FREM2: variants seen among roughly 807,000 people sequenced by gnomAD.
FREM2 encodes the protein FRAS1 related extracellular matrix 2.
In FREM2, 119 loss-of-function variants were observed where a neutral mutation model predicts 219.9. That is an observed-to-expected ratio of 0.54 (90% confidence interval 0.47 to 0.63). The LOEUF (loss-of-function observed/expected upper bound fraction) is 0.63. Among genes scored for constraint, FREM2 ranks in the 30% least tolerant of loss-of-function variants. The probability of loss-of-function intolerance (pLI) is 0.00; values close to 1 mark genes in which losing one functional copy is unlikely to be tolerated. For missense variants in FREM2, 4,030 were observed against 3,993.6 expected, an observed-to-expected ratio of 1.01 and a Z score of -0.25; for synonymous variants, 1,562 against 1,522.8, an observed-to-expected ratio of 1.03 and a Z score of -0.60.
rs890784925 is a variant in FREM2 at position 38,886,290 on chromosome 13, T to C, written c.*5503T>C. ...AAAAAGTAGTCAAGTCAGTCTTCCA[T>C]TGTGACTTCAGGAATTCAAATGCAA... On this transcript the variant is annotated 3_prime_UTR_variant, in exon 24 of 24. Coordinates refer to ENST00000280481, the MANE Select transcript of FREM2 (RefSeq NM_207361.6). 3.3e-5 allele frequency: 5 copies of C among 152,126 alleles called. No individual in the cohort carries two copies. Among genetic ancestry groups the C allele is most frequent in the African/African-American group, 7.2e-5 (3 of 41,440 alleles). The allele number at this position is 152,126 out of a possible 1,614,324, so 9.4% of individuals were successfully genotyped here.
At chr13:38,732,438 G>C (rs1593372288) in intron 2 of FREM2, among the ~76,000 whole-genome samples, 1 of 152,078 alleles carries the variant, frequency 6.6e-6, no homozygotes, top group Admixed American at 6.6e-5. Context: ...AACTACTTTA[G>C]TTATGACAGC....
chr13:38,880,823 C>T lies in FREM2; in HGVS notation c.*36C>T, dbSNP rs927600780. ...TAGAATTCAACCTTTTCCGTAAGTG[C>T]CTCGGAAAAGATCACAATGGAACCT... is the stretch of plus-strand genomic sequence containing the variant. On this transcript the variant is annotated 3_prime_UTR_variant, in exon 24 of 24. Transcript: ENST00000280481. 21 of 1,610,920 alleles carry T rather than the reference C, an allele frequency of 1.3e-5. No individual in the cohort carries two copies. Among genetic ancestry groups the T allele is most frequent in the Non-Finnish European group, 1.7e-5 (20 of 1,177,658 alleles).
intron 12 of FREM2, among the ~76,000 whole-genome samples, 157 bp downstream of exon 12, chr13:38,856,413 T>G (rs1236169719): frequency 6.6e-6 from 1 of 152,244 alleles, no homozygotes; most frequent in Non-Finnish European, 1.5e-5. Flanking sequence ...AAATGTGTTT[T>G]GTTCTGATTA....
At chr13:38,865,779 A>G (rs1426056736) in intron 16 of FREM2, among the ~76,000 whole-genome samples, 1 of 152,242 alleles carries the variant, frequency 6.6e-6, no homozygotes, top group Admixed American at 6.5e-5. Context: ...GAGAAGCAGT[A>G]TAAGATGGTG....
chr13:38,878,779 C>T, intron 22 of FREM2, 52 bp from the exon 23 acceptor site: 2 of 1,564,074 alleles, frequency 1.3e-6, no homozygotes, highest in Non-Finnish European at 1.8e-6. Context: ...GCTGTCCTGG[C>T]AAAAGCCGTG....
In FREM2 at chr13:38,742,167, G is replaced by A. The variant is rs916201469; in HGVS notation, c.5264-22137G>A. 5.9e-5 allele frequency among the ~76,000 whole-genome samples: 9 copies of A among 152,276 alleles called. No homozygotes were observed. The East Asian group carries it at 1.7e-3, about 29-fold the overall frequency. On this transcript the variant is annotated intron_variant, in intron 2 of 23. Transcript: ENST00000280481. ...ACAGGTATTGAGCCTGTCTTTACAA[G>A]TCCTATTTATCAAAAATAGTTTAAA...
chr13:38,776,883 G>A (rs1043301796), intron 4 of FREM2, among the ~76,000 whole-genome samples: 18 of 151,710 alleles, frequency 1.2e-4, no homozygotes, highest in African/African-American at 4.4e-4. Context: ...TTGAGAGCAC[G>A]ACCCTGCAGT....
At chr13:38,729,235 A>G (rs1001910461) in intron 2 of FREM2, among the ~76,000 whole-genome samples, 1 of 152,136 alleles carries the variant, frequency 6.6e-6, no homozygotes, top group Non-Finnish European at 1.5e-5. Flanking sequence ...CTTGTCTTTC[A>G]AAGAACACAG....
In FREM2 at chr13:38,880,639, G is replaced by T. The variant is rs748270623; in HGVS notation, c.9362G>T (p.Gly3121Val). 1 of 1,614,104 alleles carries T rather than the reference G, an allele frequency of 6.2e-7. No individual in the cohort carries two copies. The highest frequency in any genetic ancestry group is 1.7e-5 in the Admixed American group (1 of 60,028). ...LVTVVGGTTV[G>V]LLTICLTVIA... is the part of the protein sequence containing the mutation. ...ACTGTGGTGGGAGGCACCACGGTAG[G>T]GTTACTCACCATCTGCCTCACTGTC... Residue 3121 changes from glycine (G) to valine (V), a missense_variant, in exon 24 of 24, where the codon GGG (glycine) becomes GTG (valine). This residue lies in a region of FREM2 where 928 missense variants were observed against 1,042.9 expected (regional missense o/e 0.89). Coordinates refer to ENST00000280481, the MANE Select transcript of FREM2 (RefSeq NM_207361.6).
intron 2 of FREM2, among the ~76,000 whole-genome samples, chr13:38,704,236 GT>G (rs1870451574): frequency 6.6e-6 from 1 of 152,164 alleles, no homozygotes; most frequent in Admixed American, 6.5e-5. Flanking sequence ...CACTCACCAT[GT>G]TTCAGGTGTC....
chr13:38,876,556 CTTTATCTGT>C (rs1391877303), intron 20 of FREM2, among the ~76,000 whole-genome samples, 174 bp downstream of exon 20: 3 of 152,100 alleles, frequency 2.0e-5, no homozygotes, highest in Non-Finnish European at 4.4e-5. Context: ...GAGATTTGCC[CTTTATCTGT>C]TGTTAGTACA....
At chr13:38,773,486 G>A (rs1460528686) in intron 4 of FREM2, among the ~76,000 whole-genome samples, 1 of 152,110 alleles carries the variant, frequency 6.6e-6, no homozygotes, top group Non-Finnish European at 1.5e-5. Context: ...AAACTCCTGG[G>A]CTAAAGCAAA....
chr13:38,845,301 A>G (rs1877108817), intron 6 of FREM2, among the ~76,000 whole-genome samples: 2 of 152,184 alleles, frequency 1.3e-5, no homozygotes, highest in Non-Finnish European at 2.9e-5. Flanking sequence ...TGGCTTTGTG[A>G]GCCATTGTTG....
chr13:38,877,709 A>G (rs538370052), intron 21 of FREM2, among the ~76,000 whole-genome samples: 2 of 150,822 alleles, frequency 1.3e-5, no homozygotes, highest in East Asian at 1.9e-4. Context: ...GTTTCATTAA[A>G]CCCTCTTTCA....
At chr13:38,698,681 T>C (rs938499150) in intron 2 of FREM2, among the ~76,000 whole-genome samples, 3 of 152,220 alleles carry the variant, frequency 2.0e-5, no homozygotes, top group Non-Finnish European at 4.4e-5. Context: ...TACTCTGTTA[T>C]CTGTTTCCTT....
chr13:38,728,313 T>A (rs1871614602), intron 2 of FREM2, among the ~76,000 whole-genome samples: 1 of 152,178 alleles, frequency 6.6e-6, no homozygotes, highest in Non-Finnish European at 1.5e-5. Context: ...GGGCTGAGTA[T>A]ACAATGAGCG....
At chr13:38,757,099 G>A (rs1378489249) in intron 2 of FREM2, among the ~76,000 whole-genome samples, 3 of 152,066 alleles carry the variant, frequency 2.0e-5, no homozygotes, top group African/African-American at 7.2e-5. Flanking sequence ...ATGGAATCCA[G>A]GAATAATGAG....
intron 6 of FREM2, among the ~76,000 whole-genome samples, chr13:38,795,878 C>T (rs375554766): frequency 5.8e-4 from 88 of 152,272 alleles, no homozygotes; most frequent in African/African-American, 2.1e-3. Flanking sequence ...TTTCACTTAA[C>T]TTAATAACCT....
chr13:38,690,681 G>A lies in FREM2; in HGVS notation c.3337G>A (p.Gly1113Ser). 1 of 1,613,934 alleles carries A rather than the reference G, an allele frequency of 6.2e-7. No individual in the cohort carries two copies. The change falls in exon 1 of 24, where the codon GGT becomes AGT. Residue 1113 changes from glycine (G) to serine (S), a missense_variant. By Grantham distance (56) the Gly-to-Ser change is moderately conservative (BLOSUM62 0). Transcript: ENST00000280481. ...CACTATAGTTATTCAGCCTACTTCA[G>A]GTTATGTTGAAAACATTTCTCCAGC... ...LCTIVIQPTS[G>S]YVENISPAPG...
Sources: allele counts gnomAD v4.1 joint callset (sites outside exome capture counted in the v4.1 genomes callset), GRCh38; gene constraint gnomAD v4.1.1; regional missense constraint gnomAD v4.1.1; transcripts MANE v1.5; gene names NCBI Gene and HGNC (gene_info 2026-07-23, HGNC 2026-07-21).